The following UBE3D variants were observed in gnomAD, a reference collection of about 807,000 sequenced individuals.
UBE3D encodes the protein E3 ubiquitin-protein ligase E3D.
Under a neutral mutation model 49.6 loss-of-function variants are expected in UBE3D, and 48 were observed. The observed-to-expected ratio is 0.97, with a 90% CI of 0.77 to 1.23. UBE3D has a LOEUF of 1.23. Ranked by LOEUF, UBE3D falls within the 50% of genes most tolerant of loss-of-function variation. The pLI is 0.00. For missense variants in UBE3D, 452 were observed against 468.4 expected, an observed-to-expected ratio of 0.96 and a Z score of 0.32; for synonymous variants, 189 against 174.2, an observed-to-expected ratio of 1.08 and a Z score of -0.67.
At chr6:83,011,466 G>C (rs1274591623) in intron 8 of UBE3D, among the ~76,000 whole-genome samples, 3 of 152,134 alleles carry the variant, frequency 2.0e-5, no homozygotes, top group Non-Finnish European at 2.9e-5. Context: ...AGTCCTGCCT[G>C]AATTGAGCTG....
At chr6:82,986,772 T>C (rs1778546466) in intron 8 of UBE3D, among the ~76,000 whole-genome samples, 1 of 148,446 alleles carries the variant, frequency 6.7e-6, no homozygotes, top group African/African-American at 2.4e-5. Context: ...TACATATATA[T>C]TCTTTATTTG....
At chr6:82,978,395 A>G (rs1240395707) in intron 8 of UBE3D, among the ~76,000 whole-genome samples, 1 of 152,162 alleles carries the variant, frequency 6.6e-6, no homozygotes, top group East Asian at 1.9e-4. Context: ...CAGTCTAGAG[A>G]ACAATGTTTG....
At chr6:83,034,008 G>A (rs1170279318) in intron 5 of UBE3D, among the ~76,000 whole-genome samples, 1 of 152,174 alleles carries the variant, frequency 6.6e-6, no homozygotes, top group Non-Finnish European at 1.5e-5. Flanking sequence ...TCCCAATATA[G>A]TAGCAGTTTT....
chr6:82,937,983 G>A (rs77757373), intron 9 of UBE3D, among the ~76,000 whole-genome samples: 1,559 of 152,206 alleles, frequency 0.01, 19 homozygotes, highest in African/African-American at 0.036. Flanking sequence ...GCACACGGGC[G>A]TGTGCGCGCG....
chr6:83,047,733 A>C (rs1338928708), intron 3 of UBE3D, among the ~76,000 whole-genome samples: 1 of 152,056 alleles, frequency 6.6e-6, no homozygotes. Flanking sequence ...ACTTTGAGAG[A>C]CAGGAAATAC....
At chr6:82,990,341 T>C (rs924025289) in intron 8 of UBE3D, among the ~76,000 whole-genome samples, 1 of 152,070 alleles carries the variant, frequency 6.6e-6, no homozygotes, top group Non-Finnish European at 1.5e-5. Flanking sequence ...GCAGTGGTGC[T>C]ATCTCAGCTC....
At chr6:82,987,489 TA>T (rs1330819721) in intron 8 of UBE3D, among the ~76,000 whole-genome samples, 1 of 152,176 alleles carries the variant, frequency 6.6e-6, no homozygotes, top group Non-Finnish European at 1.5e-5. Flanking sequence ...AACACAATGT[TA>T]AAGATAAAAA....
chr6:82,929,825 C>T (rs1024053049), intron 9 of UBE3D, among the ~76,000 whole-genome samples: 1 of 152,104 alleles, frequency 6.6e-6, no homozygotes, highest in African/African-American at 2.4e-5. Context: ...CATGTATAGC[C>T]TCCCACATCA....
In UBE3D at chr6:82,893,177, G is replaced by A. The variant is rs899748921; in HGVS notation, c.1150-135C>T. On this transcript the variant is annotated intron_variant, in intron 9 of 9. Coordinates refer to ENST00000369747, the MANE Select transcript of UBE3D (RefSeq NM_198920.3). ...TGTTTAAACAGAAAAATGACTCTTA[G>A]TGGATCTAGACATTTTATTTTACAG... is the stretch of plus-strand genomic sequence containing the variant. 1.2e-5 allele frequency: 12 copies of A among 974,836 alleles called. No homozygotes were observed. The African/African-American group carries it at 1.6e-4, about 13-fold the overall frequency. 60.4% of individuals were successfully genotyped at this position (974,836 alleles called of 1,614,324 possible). A position where few individuals can be genotyped will look rare whatever the true frequency, so the allele number is the denominator to read the frequency against.
intron 9 of UBE3D, 93 bp downstream of exon 9, chr6:82,957,219 C>T: frequency 1.5e-6 from 2 of 1,317,370 alleles, no homozygotes; most frequent in Non-Finnish European, 2.1e-6. Context: ...CTAGGGAATT[C>T]CACGGGCTAT....
At chr6:82,939,406 G>A (rs569128009) in intron 9 of UBE3D, among the ~76,000 whole-genome samples, 1 of 152,358 alleles carries the variant, frequency 6.6e-6, no homozygotes, top group African/African-American at 2.4e-5. Context: ...ACAGTCATGA[G>A]CTGCATAATG....
At chr6:82,929,324 G>C (rs181592685) in intron 9 of UBE3D, among the ~76,000 whole-genome samples, 1 of 151,886 alleles carries the variant, frequency 6.6e-6, no homozygotes, top group Non-Finnish European at 1.5e-5. Context: ...GTGGGGAAAG[G>C]GTCACTTAAT....
chr6:82,910,803 T>C (rs1311778519), intron 9 of UBE3D, among the ~76,000 whole-genome samples: 1 of 152,158 alleles, frequency 6.6e-6, no homozygotes, highest in African/African-American at 2.4e-5. Flanking sequence ...AATGTAGGAA[T>C]TAGGCAGGTG....
At chr6:83,049,920 T>G (rs1162681418) in intron 3 of UBE3D, 2 of 395,076 alleles carry the variant, frequency 5.1e-6, no homozygotes, top group African/African-American at 4.2e-5. Flanking sequence ...AATTTTATTA[T>G]TATTGCTGGA....
At chr6:82,905,803 T>G (rs552896985) in intron 9 of UBE3D, among the ~76,000 whole-genome samples, 1 of 152,312 alleles carries the variant, frequency 6.6e-6, no homozygotes, top group African/African-American at 2.4e-5. Context: ...AGTAACAATC[T>G]GTAGTGTACT....
chr6:82,890,717 G>A (rs2127708444), downstream of UBE3D, among the ~76,000 whole-genome samples: 1 of 152,282 alleles, frequency 6.6e-6, no homozygotes, highest in Non-Finnish European at 1.5e-5. Flanking sequence ...GGTGAAATGA[G>A]GGTGTCTCAC....
At chr6:83,042,452 C>T (rs1782742831) in intron 4 of UBE3D, among the ~76,000 whole-genome samples, 1 of 152,178 alleles carries the variant, frequency 6.6e-6, no homozygotes, top group African/African-American at 2.4e-5. Flanking sequence ...CATATTATAG[C>T]ACATAAATTT....
At chr6:83,002,633 C>T (rs867650980) in intron 8 of UBE3D, among the ~76,000 whole-genome samples, 1 of 152,186 alleles carries the variant, frequency 6.6e-6, no homozygotes, top group East Asian at 1.9e-4. Context: ...TGCGGTGAGC[C>T]GAGATTGCGC....
In UBE3D at chr6:83,057,995, CA is replaced by C; in HGVS notation, c.104del (p.Met35ArgfsTer5). On this transcript the variant is annotated frameshift_variant, in exon 2 of 10. Transcript: ENST00000369747. LOFTEE classifies it high-confidence loss of function. The part of the protein sequence containing the change: ...LGEPKEGGMP[M>X]NISIMPSSLQ... Reference sequence around the variant, plus strand: ...GTGAAGATGGCATTATGGAAATATTCATGGGCATACCTCCTTCTTTCGGTTC... The same window carrying C: ...GTGAAGATGGCATTATGGAAATATTCTGGGCATACCTCCTTCTTTCGGTTC... 1 of 1,614,156 alleles carries C rather than the reference CA, an allele frequency of 6.2e-7. No individual in the cohort carries two copies. The highest frequency in any genetic ancestry group is 8.5e-7 in the Non-Finnish European group (1 of 1,180,038).
Sources: allele counts gnomAD v4.1 joint callset (sites outside exome capture counted in the v4.1 genomes callset), GRCh38; gene constraint gnomAD v4.1.1; transcripts MANE v1.5; gene names NCBI Gene and HGNC (gene_info 2026-07-23, HGNC 2026-07-21).